PCDHGA4: variants seen among roughly 807,000 people sequenced by gnomAD.
PCDHGA4 encodes the protein protocadherin gamma subfamily A, 4.
In PCDHGA4, 38 loss-of-function variants were observed where a neutral mutation model predicts 54.6. The observed-to-expected ratio is 0.70, with a 90% CI of 0.54 to 0.91. PCDHGA4 has a LOEUF of 0.91. PCDHGA4 is among the 40% of genes least tolerant of loss of function. The pLI is 0.00. For synonymous variants in PCDHGA4, 511 were observed against 512.9 expected, an observed-to-expected ratio of 1.00 and a Z score of 0.05; for missense variants, 1,298 against 1,220.9, an observed-to-expected ratio of 1.06 and a Z score of -0.94.
chr5:141,372,155 G>A (rs1257582169), intron 1 of PCDHGA4: 1 of 1,613,678 alleles, frequency 6.2e-7, no homozygotes, highest in Admixed American at 1.7e-5. Flanking sequence ...CTGGCTACCT[G>A]GTGACCAAGG....
chr5:141,468,374 C>T (rs1340499708), intron 1 of PCDHGA4: 2 of 150,736 alleles, frequency 1.3e-5, no homozygotes, highest in Non-Finnish European at 3.0e-5. Context: ...ATAACTCAGC[C>T]ATACAAGGCT....
chr5:141,486,552 A>C lies in PCDHGA4; in HGVS notation c.2515-8255A>C. The C allele has an allele frequency of 6.2e-7, 1 of 1,614,136 alleles. No individual in the cohort carries two copies. The highest frequency in any genetic ancestry group is 1.1e-5 in the South Asian group (1 of 91,082). On this transcript the variant is annotated intron_variant, in intron 1 of 3. Coordinates refer to ENST00000571252, the MANE Select transcript of PCDHGA4 (RefSeq NM_018917.4). This position sits in a 1 kb window ranked among gnomAD's most constrained non-coding sequence, Gnocchi z 5.0. The stretch of plus-strand genomic sequence containing the variant: ...CCACCCTCTTTCTTTCAGAGGTCAC[A>C]TGAGGTGTTTGTTCCTGAGAACAAT...
intron 1 of PCDHGA4, among the ~76,000 whole-genome samples, chr5:141,463,545 T>C (rs1433047951): frequency 6.8e-6 from 1 of 146,704 alleles, no homozygotes; most frequent in East Asian, 2.1e-4. Flanking sequence ...GGCTCCCGGG[T>C]TCATGCCATT....
rs558873325 is a variant in PCDHGA4 at position 141,370,852 on chromosome 5, C to G, written c.2514+13231C>G. On this transcript the variant is annotated intron_variant, in intron 1 of 3. Coordinates refer to ENST00000571252, the MANE Select transcript of PCDHGA4 (RefSeq NM_018917.4). ...CTGGCTCTCACTGGAGCCACATTTG[C>G]CCTGGAATCTGCGCAAGATCCTGAT... The G allele has an allele frequency of 2.0e-5, 33 of 1,614,018 alleles. No individual in the cohort carries two copies. In the South Asian group the frequency reaches 3.4e-4, roughly 17 times the overall value.
chr5:141,383,038 G>A (rs1778741644), intron 1 of PCDHGA4: 1 of 1,613,858 alleles, frequency 6.2e-7, no homozygotes. Context: ...CTTTGTGGGA[G>A]ACATCGCCAA....
intron 1 of PCDHGA4, chr5:141,413,330 T>G (rs770842309): frequency 6.2e-7 from 1 of 1,613,812 alleles, no homozygotes; most frequent in Non-Finnish European, 8.5e-7. Context: ...GTGGGCAACA[T>G]CTCCAAGGAC....
intron 1 of PCDHGA4, chr5:141,478,533 C>G: frequency 6.2e-7 from 1 of 1,608,070 alleles, no homozygotes; most frequent in African/African-American, 1.3e-5. Context: ...GCAGAGAGCG[C>G]CCCTCCCGGA....
At chr5:141,427,187 C>T (rs1318380362) in intron 1 of PCDHGA4, 1 of 456,574 alleles carries the variant, frequency 2.2e-6, no homozygotes, top group Middle Eastern at 3.3e-4. Flanking sequence ...AAATTAAATC[C>T]AAAGACTTAA....
intron 1 of PCDHGA4, chr5:141,362,457 G>C (rs1290295372): frequency 6.2e-7 from 1 of 1,614,004 alleles, no homozygotes; most frequent in South Asian, 1.1e-5. Context: ...CCCCGGAATT[G>C]GTTCCCGCGC....
intron 3 of PCDHGA4, 89 bp downstream of exon 3, chr5:141,505,570 C>G: frequency 6.3e-7 from 1 of 1,598,162 alleles, no homozygotes; most frequent in Admixed American, 1.7e-5. Context: ...GACTGGATGT[C>G]AAACCTGTGT....
chr5:141,385,526 G>C (rs1265906180), intron 1 of PCDHGA4: 1 of 1,352,594 alleles, frequency 7.4e-7, no homozygotes, highest in East Asian at 2.7e-5. Context: ...CTATGGACAA[G>C]ATTATGAATA....
chr5:141,363,750 C>T (rs1326299943), intron 1 of PCDHGA4, among the ~76,000 whole-genome samples: 3 of 152,082 alleles, frequency 2.0e-5, no homozygotes, highest in Non-Finnish European at 4.4e-5. Flanking sequence ...CCTTGGTATT[C>T]TTATATGCAA....
chr5:141,357,641 G>C lies in PCDHGA4; in HGVS notation c.2514+20G>C. The stretch of plus-strand genomic sequence containing the variant: ...CTTCAGGTGAGTCAATCTTATAATA[G>C]ATCATACCACACTGAAATATAGACA... On this transcript the variant is annotated intron_variant, in intron 1 of 3. Coordinates refer to ENST00000571252, the MANE Select transcript of PCDHGA4 (RefSeq NM_018917.4). 6.2e-7 allele frequency: 1 copy of C among 1,611,778 alleles called. No individual in the cohort carries two copies. Among genetic ancestry groups the C allele is most frequent in the South Asian group, 1.1e-5 (1 of 90,988 alleles).
rs2099611311 is a variant in PCDHGA4 at position 141,485,311 on chromosome 5, G to A, written c.2515-9496G>A. 3.1e-6 allele frequency: 5 copies of A among 1,614,174 alleles called. No individual in the cohort carries two copies. The East Asian group carries it at 6.7e-5, about 22-fold the overall frequency. ...AGTCACAGGAAGGGACTTTTGTAGGGAATGTCGCTCAAGATTTCCTGCTGG... is the reference window on the plus strand; with the variant it reads ...AGTCACAGGAAGGGACTTTTGTAGGAAATGTCGCTCAAGATTTCCTGCTGG... On this transcript the variant is annotated intron_variant, in intron 1 of 3. Transcript: ENST00000571252. The surrounding 1 kb of genome is among the most constrained non-coding windows in gnomAD (Gnocchi z 5.7).
chr5:141,421,374 C>T, intron 1 of PCDHGA4: 1 of 1,614,062 alleles, frequency 6.2e-7, no homozygotes, highest in Non-Finnish European at 8.5e-7. Flanking sequence ...TGGGCAATAT[C>T]TCCAAGGACC....
rs2097721634 is a variant in PCDHGA4, at chr5:141,434,835, A to G, written c.2515-59972A>G. On this transcript the variant is annotated intron_variant, in intron 1 of 3. Coordinates refer to ENST00000571252, the MANE Select transcript of PCDHGA4 (RefSeq NM_018917.4). ...ATATCCCTTAGTACACTTGGCATTT[A>G]TAAAGCAGACATCAATAAATTTATA... 2.0e-5 allele frequency among the ~76,000 whole-genome samples: 3 copies of G among 151,972 alleles called. 1 individual carries two copies. In the South Asian group the frequency reaches 6.2e-4, roughly 32 times the overall value.
Position 141,366,719 on chromosome 5 carries a change from G to C in PCDHGA4, c.2514+9098G>C, listed in dbSNP as rs775968939. The C allele has an allele frequency of 1.9e-6, 3 of 1,613,834 alleles. No homozygotes were observed. The Admixed American group carries it at 5.0e-5, about 27-fold the overall frequency. ...CGAGCCTCTTCTGATGTCTGATAAG[G>C]TAGATGCAAACAAAGAAGAACGGCG... On this transcript the variant is annotated intron_variant, in intron 1 of 3. Coordinates refer to ENST00000571252, the MANE Select transcript of PCDHGA4 (RefSeq NM_018917.4).
At chr5:141,422,617 G>T (rs758903894) in intron 1 of PCDHGA4, 3 of 1,613,524 alleles carry the variant, frequency 1.9e-6, no homozygotes, top group Non-Finnish European at 2.5e-6. Context: ...CTACATTCCC[G>T]AAAACAACCC....
At chr5:141,470,165 G>C (rs559578238) in intron 1 of PCDHGA4, among the ~76,000 whole-genome samples, 1 of 152,276 alleles carries the variant, frequency 6.6e-6, no homozygotes, top group Non-Finnish European at 1.5e-5. Context: ...TCAAATCAAA[G>C]TATGCAAAAT....
Sources: gnomAD v4.1 joint callset for allele counts (sites outside exome capture counted in the v4.1 genomes callset) on GRCh38, gnomAD v4.1.1 for gene constraint, Gnocchi (gnomAD v3.1) non-coding constraint, MANE v1.5 for transcripts, NCBI Gene and HGNC (gene_info 2026-07-23, HGNC 2026-07-21) for gene names.